PSME4: variants seen among roughly 807,000 people sequenced by gnomAD.
The protein encoded by PSME4 is proteasome activator complex subunit 4.
A neutral mutation model predicts 253.9 loss-of-function variants in PSME4; 89 were observed. The observed-to-expected ratio is 0.35, with a 90% confidence interval of 0.30 to 0.42. The LOEUF is 0.42. Ranked by LOEUF, PSME4 falls within the 10% of genes least tolerant of loss-of-function variation. The pLI, the probability that PSME4 is intolerant of heterozygous loss-of-function variation, is 1.00. For missense variants in PSME4, 2,014 were observed against 2,195.2 expected (o/e 0.92, Z 1.65); for synonymous variants, 851 against 759.2 (o/e 1.12, Z -1.99).
intron 6 of PSME4, 56 bp downstream of exon 6, chr2:53,936,708 G>T (rs1488649818): frequency 1.6e-6 from 2 of 1,242,938 alleles, no homozygotes; most frequent in African/African-American, 1.6e-5. Context: ...AAGTATGGGG[G>T]GGAAAAAAGA....
intron 3 of PSME4, among the ~76,000 whole-genome samples, 192 bp from the exon 4 acceptor site, chr2:53,940,192 T>A (rs973708661): frequency 1.3e-5 from 2 of 152,106 alleles, no homozygotes; most frequent in Non-Finnish European, 2.9e-5. Flanking sequence ...TACTCTTTCC[T>A]TTGCCCTCAT....
intron 1 of PSME4, among the ~76,000 whole-genome samples, chr2:53,968,982 CTGTT>C (rs1252105982): frequency 6.6e-6 from 1 of 152,158 alleles, no homozygotes; most frequent in Non-Finnish European, 1.5e-5. Context: ...CTAAAAAAAG[CTGTT>C]TGCGTCCCCA....
rs1408647041 is a variant in PSME4, at chr2:53,945,495, A to G, written c.500+2926T>C. Among the ~76,000 whole-genome samples the G allele has an allele frequency of 2.0e-5, 3 of 152,158 alleles. No individual in the cohort carries two copies. The East Asian group carries it at 5.8e-4, about 29-fold the overall frequency. On this transcript the variant is annotated intron_variant, in intron 3 of 46. Transcript: ENST00000404125. ...GGCAAAAAGACAGACAGAAAGCTAG[A>G]AGGAGGAAGGAAGAGAAGAAAAGAG... is the stretch of plus-strand genomic sequence containing the variant.
chr2:53,892,106 G>A (rs556858162), intron 36 of PSME4, among the ~76,000 whole-genome samples: 12 of 152,236 alleles, frequency 7.9e-5, no homozygotes, highest in African/African-American at 2.6e-4. Flanking sequence ...GTAATGTAAC[G>A]GATGACAAGA....
intron 20 of PSME4, among the ~76,000 whole-genome samples, chr2:53,911,553 G>C (rs1202523115): frequency 6.6e-6 from 1 of 152,060 alleles, no homozygotes; most frequent in Non-Finnish European, 1.5e-5. Context: ...CTGTACTCAA[G>C]AGTAACAAGA....
intron 20 of PSME4, among the ~76,000 whole-genome samples, chr2:53,911,525 TCAC>T (rs1667826973): frequency 6.6e-6 from 1 of 152,146 alleles, no homozygotes; most frequent in African/African-American, 2.4e-5. Flanking sequence ...AAATTAGATT[TCAC>T]CAAAGAGAAA....
At chr2:53,938,406 G>A (rs1390757270) in intron 4 of PSME4, among the ~76,000 whole-genome samples, 1 of 151,496 alleles carries the variant, frequency 6.6e-6, no homozygotes, top group African/African-American at 2.4e-5. Context: ...TCCAAAGTGT[G>A]CATATACACA....
chr2:53,906,811 G>T lies in PSME4; in HGVS notation c.2842C>A (p.His948Asn). The T allele has an allele frequency of 1.2e-6, 2 of 1,613,354 alleles. No individual in the cohort carries two copies. Among genetic ancestry groups the T allele is most frequent in the Non-Finnish European group, 1.7e-6 (2 of 1,179,684 alleles). The change falls in exon 25 of 47, where the codon CAT (histidine) becomes AAT (asparagine). Residue 948 changes from histidine (H) to asparagine (N), a missense_variant. By Grantham distance (68) the His-to-Asn change is moderately conservative. This residue lies in a region of PSME4 where 989 missense variants were observed against 1,021.1 expected (regional missense o/e 0.97). Coordinates refer to ENST00000404125, the MANE Select transcript of PSME4 (RefSeq NM_014614.3). The stretch of plus-strand genomic sequence containing the variant: ...TGACTGAAAAACATATTTACCTCAT[G>T]CTGTAACATTACTCTATCAATCAAC... ...ALLIDRVMLQHELRTLTVEGC... is the reference protein window; with the variant it reads ...ALLIDRVMLQNELRTLTVEGC...
chr2:53,907,096 GTT>G (rs1680695360), intron 24 of PSME4, among the ~76,000 whole-genome samples: 1 of 152,070 alleles, frequency 6.6e-6, no homozygotes, highest in African/African-American at 2.4e-5. Context: ...CCAACACCCT[GTT>G]TTTCTCTGAT....
At chr2:53,887,725 A>T in intron 39 of PSME4, 133 bp downstream of exon 39, 1 of 1,195,662 alleles carries the variant, frequency 8.4e-7, no homozygotes, top group Non-Finnish European at 1.1e-6. Context: ...CCCACGACAC[A>T]ATAGCAAACA....
At chr2:53,960,588 G>C (rs969852502) in intron 1 of PSME4, among the ~76,000 whole-genome samples, 3 of 152,144 alleles carry the variant, frequency 2.0e-5, no homozygotes, top group African/African-American at 7.2e-5. Flanking sequence ...AAGTAAGCAG[G>C]AACAGCATGG....
At chr2:53,924,969 A>G (rs1558689244) in intron 14 of PSME4, among the ~76,000 whole-genome samples, 1 of 152,234 alleles carries the variant, frequency 6.6e-6, no homozygotes. Context: ...TATTTAATAC[A>G]TATTGTTGAT....
intron 41 of PSME4, among the ~76,000 whole-genome samples, chr2:53,883,954 T>C (rs1679515340): frequency 6.6e-6 from 1 of 152,162 alleles, no homozygotes; most frequent in African/African-American, 2.4e-5. Flanking sequence ...CTGAAATATG[T>C]TGGAAAGGGA....
rs1679755215 is a variant in PSME4 at position 53,888,771 on chromosome 2, C to G, written c.4338G>C (p.Leu1446=). 6.2e-7 allele frequency: 1 copy of G among 1,613,148 alleles called. No homozygotes were observed. Among genetic ancestry groups the G allele is most frequent in the Non-Finnish European group, 8.5e-7 (1 of 1,179,380 alleles). Residue 1446 remains leucine, a synonymous_variant, in exon 38 of 47, where the codon CTG becomes CTC. Coordinates refer to ENST00000404125, the MANE Select transcript of PSME4 (RefSeq NM_014614.3). The part of the protein sequence containing the change: ...DPRKLHWLFE[L]LLESPLSGEG... ...CACCACTCAATGGTGATTCCAACAG[C>G]AGTTCAAAAAGCCAGTGAAGTTTCC...
chr2:53,943,795 TTGTGCCACTGCACTCCAGCC>T (rs1669569774), intron 3 of PSME4, among the ~76,000 whole-genome samples: 1 of 145,906 alleles, frequency 6.9e-6, no homozygotes, highest in Admixed American at 7.0e-5. Context: ...TGAGTCCAGA[TTGTGCCACTGCACTCCAGCC>T]TGGGCAACAA....
chr2:53,892,186 A>G (rs1679939225), intron 36 of PSME4, among the ~76,000 whole-genome samples: 1 of 152,202 alleles, frequency 6.6e-6, no homozygotes, highest in South Asian at 2.1e-4. Context: ...CTAAAAGGTG[A>G]CCAAAAAACC....
rs57983562 is a variant in PSME4 at position 53,940,940 on chromosome 2, A to C, written c.501-940T>G. ...TAAATATATATATAATACATATATA[A>C]ATATATATATACATATATATATATA... On this transcript the variant is annotated intron_variant, in intron 3 of 46. Transcript: ENST00000404125. Among the ~76,000 whole-genome samples, 328 of 51,254 alleles carry C rather than the reference A, an allele frequency of 6.4e-3. 4 individuals are homozygous for C. The highest frequency in any genetic ancestry group is 0.032 in the African/African-American group (314 of 9,916). 33.6% of individuals were successfully genotyped at this position (51,254 alleles called of 152,430 possible). A position where few individuals can be genotyped will look rare whatever the true frequency, so the allele number is the denominator to read the frequency against.
chr2:53,953,361 A>AGG (rs1317284098), intron 1 of PSME4, among the ~76,000 whole-genome samples: 1 of 152,006 alleles, frequency 6.6e-6, no homozygotes, highest in East Asian at 1.9e-4. Flanking sequence ...TCCAATTAAA[A>AGG]ATGGGCAAAA....
chr2:53,909,320 G>T (rs1667715223), intron 21 of PSME4, among the ~76,000 whole-genome samples: 1 of 152,044 alleles, frequency 6.6e-6, no homozygotes, highest in East Asian at 1.9e-4. Context: ...ATTTCTATTA[G>T]ATTTAGAACA....
Sources: gnomAD v4.1 joint callset for allele counts (sites outside exome capture counted in the v4.1 genomes callset) on GRCh38, gnomAD v4.1.1 for gene constraint, gnomAD v4.1.1 regional missense constraint, MANE v1.5 for transcripts, NCBI Gene and HGNC (gene_info 2026-07-23, HGNC 2026-07-21) for gene names.